REPS2: variants seen among roughly 807,000 people sequenced by gnomAD.
The protein encoded by REPS2 is RALBP1 associated Eps domain containing 2.
In REPS2, 23 loss-of-function variants were observed where a neutral mutation model predicts 53.6. The ratio of observed to expected loss-of-function variants is 0.43; its 90% confidence interval spans 0.31 to 0.61. The LOEUF is 0.61. Ranked by LOEUF, REPS2 falls within the 20% of genes least tolerant of loss-of-function variation. The pLI, the probability that REPS2 is intolerant of heterozygous loss-of-function variation, is 0.11. For missense variants in REPS2, 446 were observed against 534.9 expected (o/e 0.83, Z 1.64); for synonymous variants, 238 against 218.6 (o/e 1.09, Z -0.78).
At chrX:17,086,446 T>C (rs2062537572) in intron 13 of REPS2, among the ~76,000 whole-genome samples, 1 of 112,419 alleles carries the variant, frequency 8.9e-6, no homozygotes. Flanking sequence ...CAGTGGTGTG[T>C]CAGTGAATGT....
At chrX:17,073,827 T>TAA (rs1337418190) in intron 11 of REPS2, among the ~76,000 whole-genome samples, 5 of 106,293 alleles carry the variant, frequency 4.7e-5, no homozygotes, top group African/African-American at 1.7e-4. Context: ...TTCAAGGGGG[T>TAA]TGTCTTTTTA....
At chrX:16,962,807 G>GGGCCA (rs1257646575) in intron 1 of REPS2, among the ~76,000 whole-genome samples, 2 of 112,242 alleles carry the variant, frequency 1.8e-5, no homozygotes, top group East Asian at 5.6e-4. Flanking sequence ...AGCTATATGT[G>GGGCCA]GGCCAGGCCA....
chrX:17,111,122 G>C (rs769546348), intron 14 of REPS2, among the ~76,000 whole-genome samples: 1 of 112,168 alleles, frequency 8.9e-6, no homozygotes, highest in East Asian at 2.8e-4. Context: ...ATATCTATAA[G>C]AAAATAGCAA....
chrX:17,073,879 C>T (rs989877110), intron 11 of REPS2, among the ~76,000 whole-genome samples: 48 of 107,974 alleles, frequency 4.4e-4, no homozygotes, highest in African/African-American at 1.6e-3. Context: ...TTGAGAATGG[C>T]CTCTCAAATA....
At chrX:17,077,241 C>T (rs763074465) in intron 12 of REPS2, 30 bp from the exon 13 acceptor site, 8 of 1,142,454 alleles carry the variant, frequency 7.0e-6, no homozygotes, top group Middle Eastern at 2.4e-4. Flanking sequence ...TTTGCTATTT[C>T]GCTTCTGACC....
At chrX:17,066,584 A>G (rs1003417222) in intron 9 of REPS2, among the ~76,000 whole-genome samples, 1 of 112,501 alleles carries the variant, frequency 8.9e-6, no homozygotes. Flanking sequence ...CTTTGAATAG[A>G]AAATTATATC....
At chrX:17,066,566 A>T (rs1351398523) in intron 9 of REPS2, among the ~76,000 whole-genome samples, 1 of 112,445 alleles carries the variant, frequency 8.9e-6, no homozygotes, top group African/African-American at 3.2e-5. Context: ...TCTATTGGAG[A>T]TAGTAGACTT....
rs745922208 is a variant in REPS2 at position 16,948,280 on chromosome X, AGACACTTTGTAATCTTTCACCCTTTT to A, written c.273+1149_273+1174del. Among the ~76,000 whole-genome samples, 775 of 112,647 alleles carry A rather than the reference AGACACTTTGTAATCTTTCACCCTTTT, an allele frequency of 6.9e-3. 20 individuals are homozygous for A. Among genetic ancestry groups the A allele is most frequent in the Admixed American group, 0.064 (679 of 10,650 alleles). The stretch of plus-strand genomic sequence containing the variant: ...GCTATATGTTTGTGAGCATAACTTT[AGACACTTTGTAATCTTTCACCCTTTT>A]GAATTTGGGATTTCTGAAACTGTAA... On this transcript the variant is annotated intron_variant, in intron 1 of 17. Coordinates refer to ENST00000357277, the MANE Select transcript of REPS2 (RefSeq NM_004726.3).
chrX:17,134,691 G>A (rs1375875532), intron 15 of REPS2, among the ~76,000 whole-genome samples: 6 of 109,764 alleles, frequency 5.5e-5, no homozygotes, highest in African/African-American at 1.7e-4. Context: ...GTGCAGTGGC[G>A]CGATCTCGGC....
chrX:16,996,754 G>A (rs1488938202), intron 1 of REPS2, among the ~76,000 whole-genome samples: 1 of 111,829 alleles, frequency 8.9e-6, no homozygotes, highest in African/African-American at 3.3e-5. Flanking sequence ...TTCATTCCTC[G>A]AGGAAGCATG....
chrX:17,117,948 CTTTTTTTTTTTTTTTT>C lies in REPS2; in HGVS notation c.1578+14183_1578+14198del, dbSNP rs145872769. Reference sequence around the variant, plus strand: ...CTCTCCAGCACCTGTTGTTTCCTGACTTTTTTTTTTTTTTTTTTTTTTTTTTTTTGAGACGGAGTCT... The same window carrying C: ...CTCTCCAGCACCTGTTGTTTCCTGACTTTTTTTTTTTTTGAGACGGAGTCT... On this transcript the variant is annotated intron_variant, in intron 14 of 17. Coordinates refer to ENST00000357277, the MANE Select transcript of REPS2 (RefSeq NM_004726.3). 2.3e-4 allele frequency among the ~76,000 whole-genome samples: 7 copies of C among 31,007 alleles called. No homozygotes were observed. In the Admixed American group the frequency reaches 3.2e-3, roughly 14 times the overall value. 26.9% of individuals were successfully genotyped at this position (31,007 alleles called of 115,157 possible).
chrX:17,135,506 A>G, intron 16 of REPS2, 100 bp downstream of exon 16: 1 of 950,896 alleles, frequency 1.1e-6, no homozygotes, highest in Non-Finnish European at 1.5e-6. Flanking sequence ...CAACAGAAGG[A>G]TTTCATGGTT....
At chrX:17,194,002 G>A in the REPS2 span, among the ~76,000 whole-genome samples, 13 of 111,593 alleles carry the variant, frequency 1.2e-4, no homozygotes, top group African/African-American at 4.2e-4. Context: ...TGCTCTCTGC[G>A]TTCATTTTAG....
intron 14 of REPS2, among the ~76,000 whole-genome samples, chrX:17,106,002 C>T (rs1211645691): frequency 8.9e-6 from 1 of 111,868 alleles, no homozygotes; most frequent in African/African-American, 3.3e-5. Flanking sequence ...CTCTACCCCT[C>T]TGGGAGAGTC....
chrX:17,048,873 G>T (rs1202295238), intron 6 of REPS2, among the ~76,000 whole-genome samples: 1 of 112,693 alleles, frequency 8.9e-6, no homozygotes, highest in African/African-American at 3.2e-5. Context: ...AGCTTATTAT[G>T]TATTTATTAT....
At position 16,972,415 on chromosome X, in the gene REPS2, A is replaced by T. The variant is rs775660182; in HGVS notation, c.273+25281A>T. On this transcript the variant is annotated intron_variant, in intron 1 of 17. Coordinates refer to ENST00000357277, the MANE Select transcript of REPS2 (RefSeq NM_004726.3). ...AAAAGTCTAAAAGAGCTCCTTTAAT[A>T]AGCCTGAGATAAATGCTAAGTCGTA... is the stretch of plus-strand genomic sequence containing the variant. Among the ~76,000 whole-genome samples the T allele has an allele frequency of 3.6e-5, 4 of 112,211 alleles. No individual in the cohort carries two copies. In the East Asian group the frequency reaches 1.1e-3, roughly 31 times the overall value.
chrX:17,070,741 C>T (rs1227622057), intron 11 of REPS2, among the ~76,000 whole-genome samples: 1 of 112,107 alleles, frequency 8.9e-6, no homozygotes. Context: ...AGCTAGCTAT[C>T]ATCCTAGGCT....
chrX:17,042,278 G>A (rs758427515), intron 5 of REPS2, among the ~76,000 whole-genome samples: 6 of 111,879 alleles, frequency 5.4e-5, no homozygotes, highest in Non-Finnish European at 1.1e-4. Flanking sequence ...TCTTTAGGGT[G>A]CATGCAAAAG....
intron 3 of REPS2, among the ~76,000 whole-genome samples, chrX:17,023,150 G>C (rs1227112875): frequency 3.5e-5 from 4 of 112,750 alleles, no homozygotes; most frequent in Non-Finnish European, 1.9e-5. Context: ...ACTTGAGGCT[G>C]GGCACGGTGG....
Sources: gnomAD v4.1 joint callset for allele counts (sites outside exome capture counted in the v4.1 genomes callset) on GRCh38, gnomAD v4.1.1 for gene constraint, MANE v1.5 for transcripts, NCBI Gene and HGNC (gene_info 2026-07-23, HGNC 2026-07-21) for gene names.